Variants in FMN1 observed in about 807,000 individuals in gnomAD.
FMN1 encodes the protein formin-1.
A neutral mutation model predicts 132.4 loss-of-function variants in FMN1; 110 were observed. The ratio of observed to expected loss-of-function variants is 0.83; its 90% CI spans 0.71 to 0.97. The LOEUF (loss-of-function observed/expected upper bound fraction) is 0.97, where lower values mean the gene tolerates loss of function less well. Ranked by LOEUF, FMN1 falls within the 50% of genes least tolerant of loss-of-function variation. FMN1 has a pLI of 0.00. For missense variants in FMN1, 1,792 were observed against 1,705.3 expected, an observed-to-expected ratio of 1.05 and a Z score of -0.90; for synonymous variants, 722 against 651.7, an observed-to-expected ratio of 1.11 and a Z score of -1.64.
chr15:32,894,381 G>A (rs1013048182), intron 15 of FMN1, among the ~76,000 whole-genome samples: 1 of 151,970 alleles, frequency 6.6e-6, no homozygotes, highest in African/African-American at 2.4e-5. Flanking sequence ...CTACTTGGAA[G>A]GCTGAGGCAC....
At chr15:32,919,057 G>A (rs188729172) in intron 10 of FMN1, among the ~76,000 whole-genome samples, 2 of 152,192 alleles carry the variant, frequency 1.3e-5, no homozygotes, top group East Asian at 3.9e-4. Flanking sequence ...CATTTATTTA[G>A]TCTGTATGTC....
intron 17 of FMN1, among the ~76,000 whole-genome samples, chr15:32,848,457 C>A (rs115259698): frequency 1.1e-4 from 17 of 152,246 alleles, no homozygotes; most frequent in African/African-American, 4.1e-4. Context: ...CCATCTAGAG[C>A]GATGTTGAAG....
rs2056290579 is a variant in FMN1 at position 32,772,756 on chromosome 15, GA to G, written c.*1553del. On this transcript the variant is annotated 3_prime_UTR_variant, in exon 21 of 21. Coordinates refer to ENST00000616417, the MANE Select transcript of FMN1 (RefSeq NM_001277313.2). ...GACTGCAGTCTTCATTCTCGAAGCT[GA>G]CATTAGATTAGGATATGGTGCTGCT... 6.6e-6 allele frequency: 1 copy of G among 152,228 alleles called. No individual in the cohort carries two copies. The highest frequency in any genetic ancestry group is 2.4e-5 in the African/African-American group (1 of 41,446). 9.4% of individuals were successfully genotyped at this position (152,228 alleles called of 1,614,324 possible).
At chr15:33,091,743 C>A (rs534397094) in intron 4 of FMN1, among the ~76,000 whole-genome samples, 1 of 152,132 alleles carries the variant, frequency 6.6e-6, no homozygotes, top group African/African-American at 2.4e-5. Flanking sequence ...AAATAAAGCA[C>A]GTCTGTATTT....
intron 7 of FMN1, among the ~76,000 whole-genome samples, chr15:32,989,858 A>T (rs781182845): frequency 3.3e-5 from 5 of 152,170 alleles, no homozygotes; most frequent in Non-Finnish European, 7.3e-5. Context: ...TCAAGGATGC[A>T]TCTGAGGTTT....
At chr15:33,001,695 C>T (rs551075577) in intron 7 of FMN1, among the ~76,000 whole-genome samples, 2 of 135,544 alleles carry the variant, frequency 1.5e-5, no homozygotes, top group Non-Finnish European at 3.2e-5. Flanking sequence ...CCTCCCCTTC[C>T]GCCTCCCCCT....
intron 4 of FMN1, among the ~76,000 whole-genome samples, chr15:33,139,127 C>T (rs761314233): frequency 5.3e-5 from 8 of 152,136 alleles, no homozygotes; most frequent in Admixed American, 2.0e-4. Flanking sequence ...AATGTATTTT[C>T]GAGAACTTCA....
intron 6 of FMN1, among the ~76,000 whole-genome samples, chr15:33,042,976 C>T (rs534243996): frequency 2.6e-5 from 4 of 152,068 alleles, no homozygotes; most frequent in South Asian, 2.1e-4. Flanking sequence ...ATAATGGAAG[C>T]GAAATCTAAA....
intron 15 of FMN1, among the ~76,000 whole-genome samples, chr15:32,891,325 G>T (rs1247898179): frequency 6.6e-6 from 1 of 152,124 alleles, no homozygotes; most frequent in Non-Finnish European, 1.5e-5. Context: ...TTGGCTCATT[G>T]CAGGCTCTAC....
chr15:32,846,510 G>A (rs1389441883), intron 17 of FMN1, among the ~76,000 whole-genome samples: 1 of 152,172 alleles, frequency 6.6e-6, no homozygotes, highest in Non-Finnish European at 1.5e-5. Context: ...AAACCACAAT[G>A]AGATACCATC....
At chr15:33,178,819 C>T (rs1323886403) in intron 3 of FMN1, among the ~76,000 whole-genome samples, 2 of 152,096 alleles carry the variant, frequency 1.3e-5, no homozygotes, top group South Asian at 2.1e-4. Flanking sequence ...CCCAATACAC[C>T]CTGCCTTCTA....
intron 6 of FMN1, among the ~76,000 whole-genome samples, chr15:33,037,795 CT>C (rs1260662774): frequency 6.6e-6 from 1 of 152,204 alleles, no homozygotes; most frequent in South Asian, 2.1e-4. Context: ...TCTTCAAACT[CT>C]TTTGCTTAAA....
chr15:33,114,763 A>G (rs1254876906), intron 4 of FMN1, among the ~76,000 whole-genome samples: 1 of 152,236 alleles, frequency 6.6e-6, no homozygotes. Context: ...AAATGCCCCA[A>G]AACAACTACA....
At chr15:33,003,015 C>T (rs140121009) in intron 7 of FMN1, among the ~76,000 whole-genome samples, 1 of 152,304 alleles carries the variant, frequency 6.6e-6, no homozygotes, top group Non-Finnish European at 1.5e-5. Flanking sequence ...AATTCAACAA[C>T]ACTTCATGCT....
chr15:33,009,024 A>G (rs1234835188), intron 6 of FMN1, among the ~76,000 whole-genome samples: 1 of 152,230 alleles, frequency 6.6e-6, no homozygotes, highest in Non-Finnish European at 1.5e-5. Context: ...TAATTTAAAA[A>G]TGGAAGAAGG....
At chr15:33,156,286 T>G (rs1964667978) in intron 3 of FMN1, among the ~76,000 whole-genome samples, 1 of 148,578 alleles carries the variant, frequency 6.7e-6, no homozygotes, top group South Asian at 2.2e-4. Flanking sequence ...TTTTTTTTTT[T>G]TTTTTTTTTT....
In FMN1 at chr15:33,154,831, T is replaced by C; in HGVS notation, c.84A>G (p.Glu28=). ...TGCCCTTGTATGAAAATCCTCTGAC[T>C]TCCCCCTTTGGAAGACAGAAGCTGA... ...CYISFCLPKG[E]VRGFSYKGTV... is the part of the protein sequence containing the mutation. The change falls in exon 4 of 21, where the codon GAA becomes GAG. Residue 28 remains glutamate, a synonymous_variant. Coordinates refer to ENST00000616417, the MANE Select transcript of FMN1 (RefSeq NM_001277313.2). 1 of 1,536,214 alleles carries C rather than the reference T, an allele frequency of 6.5e-7. No individual in the cohort carries two copies. The highest frequency in any genetic ancestry group is 8.7e-7 in the Non-Finnish European group (1 of 1,146,926).
At chr15:32,891,315 T>C (rs1006432075) in intron 15 of FMN1, among the ~76,000 whole-genome samples, 5 of 152,240 alleles carry the variant, frequency 3.3e-5, no homozygotes, top group Admixed American at 2.6e-4. Context: ...TGATGCGATG[T>C]TGGCTCATTG....
intron 19 of FMN1, among the ~76,000 whole-genome samples, chr15:32,785,977 TAAAG>T (rs1488205815): frequency 2.6e-5 from 4 of 152,188 alleles, no homozygotes; most frequent in Admixed American, 2.6e-4. Flanking sequence ...CACTCGTTGC[TAAAG>T]AAAGAAGATA....
Sources: gnomAD v4.1 joint callset for allele counts (sites outside exome capture counted in the v4.1 genomes callset) on GRCh38, gnomAD v4.1.1 for gene constraint, MANE v1.5 for transcripts, NCBI Gene and HGNC (gene_info 2026-07-23, HGNC 2026-07-21) for gene names.